TMEM135: variants seen among roughly 807,000 people sequenced by gnomAD.
TMEM135 encodes the protein peroxisomal membrane protein 52.
A neutral mutation model predicts 60.3 loss-of-function variants in TMEM135; 30 were observed. The observed-to-expected ratio is 0.50, with a 90% CI of 0.37 to 0.68. TMEM135 has a LOEUF of 0.68. Ranked by LOEUF, TMEM135 falls within the 30% of genes least tolerant of loss-of-function variation. TMEM135 has a pLI of 0.00. For synonymous variants in TMEM135, 190 were observed against 186.7 expected (o/e 1.02, Z -0.14); for missense variants, 468 against 548.8 (o/e 0.85, Z 1.47).
At chr11:87,274,786 CTGTGTGTGTGTGTGTGTGTGTG>C (rs10655114) in intron 6 of TMEM135, among the ~76,000 whole-genome samples, 2 of 129,290 alleles carry the variant, frequency 1.5e-5, no homozygotes, top group African/African-American at 3.0e-5. Flanking sequence ...CATAGCAAGA[CTGTGTGTGTGTGTGTGTGTGTG>C]TGTGTGTGTG....
Position 87,325,329 on chromosome 11 carries a change from A to G in TMEM135, c.*3996A>G, listed in dbSNP as rs1298022622. 2.2e-6 allele frequency: 1 copy of G among 454,140 alleles called. No homozygotes were observed. Among genetic ancestry groups the G allele is most frequent in the Non-Finnish European group, 4.4e-6 (1 of 226,792 alleles). The allele number at this position is 454,140 out of a possible 1,614,324, so 28.1% of individuals were successfully genotyped here. A position where few individuals can be genotyped will look rare whatever the true frequency, so the allele number is the denominator to read the frequency against. ...TTGGCCATGATATAGCTAGTGTCAT[A>G]GGACTACAGCAGAGTAGTGAGTGAA... On this transcript the variant is annotated 3_prime_UTR_variant, in exon 15 of 15. Transcript: ENST00000305494.
At chr11:87,290,230 A>T (rs1160900630) in intron 6 of TMEM135, among the ~76,000 whole-genome samples, 1 of 152,178 alleles carries the variant, frequency 6.6e-6, no homozygotes, top group Non-Finnish European at 1.5e-5. Flanking sequence ...CATTTACGTT[A>T]TCCAATTTTG....
At chr11:87,159,593 G>GCGCGCACACACACACACACA (rs56665411) in intron 5 of TMEM135, among the ~76,000 whole-genome samples, 6 of 124,880 alleles carry the variant, frequency 4.8e-5, no homozygotes, top group African/African-American at 1.7e-4. Flanking sequence ...ACACACACGC[G>GCGCGCACACACACACACACA]CACACACACA....
At chr11:87,256,823 G>T (rs1307756102) in intron 6 of TMEM135, among the ~76,000 whole-genome samples, 1 of 151,910 alleles carries the variant, frequency 6.6e-6, no homozygotes, top group African/African-American at 2.4e-5. Context: ...TCTGTCTGTT[G>T]GTCCTGCTTG....
intron 1 of TMEM135, among the ~76,000 whole-genome samples, chr11:87,054,574 T>G (rs1011092053): frequency 7.9e-5 from 12 of 152,216 alleles, no homozygotes; most frequent in Admixed American, 6.5e-4. Context: ...AATGCTGAAT[T>G]TTTTCAACTT....
At chr11:87,254,349 A>T (rs2030234) in intron 6 of TMEM135, among the ~76,000 whole-genome samples, 1 of 151,996 alleles carries the variant, frequency 6.6e-6, no homozygotes, top group Non-Finnish European at 1.5e-5. Flanking sequence ...AGGAGATTCC[A>T]TGGTAGAATA....
Position 87,212,521 on chromosome 11 carries a change from T to G in TMEM135, c.463-24117T>G, listed in dbSNP as rs1940394618. 2.0e-5 allele frequency among the ~76,000 whole-genome samples: 3 copies of G among 152,218 alleles called. No individual in the cohort carries two copies. The South Asian group carries it at 6.2e-4, about 32-fold the overall frequency. On this transcript the variant is annotated intron_variant, in intron 5 of 14. Transcript: ENST00000305494. Reference sequence around the variant, plus strand: ...TGCCTGAGAAGAGAGATACCAAGGCTCACGTATATAAATATTCTGGCTGGG... The same window carrying G: ...TGCCTGAGAAGAGAGATACCAAGGCGCACGTATATAAATATTCTGGCTGGG...
At chr11:87,049,791 G>C (rs1458468635) in intron 1 of TMEM135, among the ~76,000 whole-genome samples, 5 of 98,102 alleles carry the variant, frequency 5.1e-5, no homozygotes, top group Admixed American at 3.2e-4. Flanking sequence ...CCCAGGAATT[G>C]AACTCAGCTC....
At chr11:87,151,430 T>C (rs1565462836) in intron 4 of TMEM135, among the ~76,000 whole-genome samples, 1 of 152,202 alleles carries the variant, frequency 6.6e-6, no homozygotes, top group East Asian at 1.9e-4. Flanking sequence ...TTTTCAGAAA[T>C]TTCTTTTGAT....
At chr11:87,144,923 A>G (rs1938370078) in intron 4 of TMEM135, among the ~76,000 whole-genome samples, 1 of 152,196 alleles carries the variant, frequency 6.6e-6, no homozygotes, top group Admixed American at 6.5e-5. Flanking sequence ...TAGGTAACAT[A>G]TCTATTACCT....
intron 6 of TMEM135, chr11:87,259,250 G>A: frequency 2.3e-6 from 1 of 436,790 alleles, no homozygotes; most frequent in South Asian, 2.1e-5. Flanking sequence ...GTTCCCCTGC[G>A]ACAGCGGCCA....
intron 4 of TMEM135, among the ~76,000 whole-genome samples, chr11:87,093,255 C>G (rs1857249968): frequency 6.6e-6 from 1 of 151,934 alleles, no homozygotes; most frequent in South Asian, 2.1e-4. Flanking sequence ...ATTGTATTGC[C>G]CAGGCTGGAG....
At position 87,248,020 on chromosome 11, in the gene TMEM135, T is replaced by A. The variant is rs57897684; in HGVS notation, c.509+11336T>A. 5.7e-3 allele frequency among the ~76,000 whole-genome samples: 116 copies of A among 20,242 alleles called. No individual in the cohort carries two copies. The Middle Eastern group carries it at 0.095, about 17-fold the overall frequency. 13.3% of individuals were successfully genotyped at this position (20,242 alleles called of 152,430 possible). A position where few individuals can be genotyped will look rare whatever the true frequency, so the allele number is the denominator to read the frequency against. On this transcript the variant is annotated intron_variant, in intron 6 of 14. Coordinates refer to ENST00000305494, the MANE Select transcript of TMEM135 (RefSeq NM_022918.4). ...TTGGCTGCCAGCTTGATAGCCTTTT[T>A]AAAAAAAAAAAAAAAAAGAAAATAG...
At chr11:87,305,163 C>T (rs930028245) in intron 8 of TMEM135, among the ~76,000 whole-genome samples, 1 of 152,058 alleles carries the variant, frequency 6.6e-6, no homozygotes, top group Non-Finnish European at 1.5e-5. Flanking sequence ...AGTATAAATT[C>T]CTGTAACCTG....
rs1333418684 is a variant in TMEM135, at chr11:87,322,729, T to C, written c.*1396T>C. 1 of 454,024 alleles carries C rather than the reference T, an allele frequency of 2.2e-6. No homozygotes were observed. Among genetic ancestry groups the C allele is most frequent in the Non-Finnish European group, 4.4e-6 (1 of 226,750 alleles). The allele number at this position is 454,024 out of a possible 1,614,324, so 28.1% of individuals were successfully genotyped here. A position where few individuals can be genotyped will look rare whatever the true frequency, so the allele number is the denominator to read the frequency against. On this transcript the variant is annotated 3_prime_UTR_variant, in exon 15 of 15. Transcript: ENST00000305494. ...TCATATTCAATTTCATCAAGCCTTGTATACTTCTGCTTAAATGTAATTCAA... is the reference window on the plus strand; with the variant it reads ...TCATATTCAATTTCATCAAGCCTTGCATACTTCTGCTTAAATGTAATTCAA...
intron 5 of TMEM135, among the ~76,000 whole-genome samples, chr11:87,233,554 T>C (rs775647840): frequency 5.9e-5 from 9 of 152,130 alleles, no homozygotes; most frequent in Non-Finnish European, 8.8e-5. Flanking sequence ...ATAGCTATGT[T>C]GAAACTTATG....
intron 4 of TMEM135, among the ~76,000 whole-genome samples, chr11:87,132,335 G>A (rs1309335060): frequency 6.6e-6 from 1 of 152,040 alleles, no homozygotes; most frequent in East Asian, 1.9e-4. Context: ...ACATAGAAAA[G>A]TTAATTAATG....
chr11:87,073,780 G>C (rs1856818873), intron 3 of TMEM135, among the ~76,000 whole-genome samples: 1 of 151,702 alleles, frequency 6.6e-6, no homozygotes, highest in South Asian at 2.1e-4. Flanking sequence ...CGATTCTCCT[G>C]CCTCAGCTTC....
intron 6 of TMEM135, among the ~76,000 whole-genome samples, chr11:87,270,136 A>G (rs1392656457): frequency 6.7e-6 from 1 of 148,528 alleles, no homozygotes; most frequent in African/African-American, 2.5e-5. Flanking sequence ...GGCTGCATAA[A>G]TGTCTTCTTT....
Sources: allele counts gnomAD v4.1 joint callset (sites outside exome capture counted in the v4.1 genomes callset), GRCh38; gene constraint gnomAD v4.1.1; transcripts MANE v1.5; gene names NCBI Gene and HGNC (gene_info 2026-07-23, HGNC 2026-07-21).